FMNL2: variants seen among roughly 807,000 people sequenced by gnomAD.
FMNL2 encodes the protein formin-like protein 2.
Under a neutral mutation model 130.2 loss-of-function variants are expected in FMNL2, and 51 were observed. That is an observed-to-expected ratio of 0.39 (90% CI 0.31 to 0.49). The LOEUF (loss-of-function observed/expected upper bound fraction) is 0.49. Ranked by LOEUF, FMNL2 falls within the 20% of genes least tolerant of loss-of-function variation. The pLI, the probability that FMNL2 is intolerant of heterozygous loss-of-function variation, is 0.85. For missense variants in FMNL2, 977 were observed against 1,316.2 expected (o/e 0.74, Z 3.99); for synonymous variants, 465 against 467.1 (o/e 1.00, Z 0.06).
At chr2:152,630,838 C>T (rs13018870) in intron 20 of FMNL2, among the ~76,000 whole-genome samples, 11,689 of 152,202 alleles carry the variant, frequency 0.077, 558 homozygotes, top group Middle Eastern at 0.15. Context: ...TGGCTTTTTA[C>T]TTTGAAGAGC....
chr2:152,507,598 T>C (rs1692245020), intron 1 of FMNL2, among the ~76,000 whole-genome samples: 1 of 152,234 alleles, frequency 6.6e-6, no homozygotes, highest in Non-Finnish European at 1.5e-5. Context: ...TTAAGTGATT[T>C]GCCTATGAAC....
intron 6 of FMNL2, among the ~76,000 whole-genome samples, chr2:152,568,001 G>T (rs1695949556): frequency 6.6e-6 from 1 of 152,144 alleles, no homozygotes; most frequent in Non-Finnish European, 1.5e-5. Context: ...CTCCAGGAAA[G>T]CCTGGTTAGT....
chr2:152,367,162 G>A (rs1243749988), intron 1 of FMNL2, among the ~76,000 whole-genome samples: 3 of 147,696 alleles, frequency 2.0e-5, no homozygotes, highest in Admixed American at 7.0e-5. Flanking sequence ...TGCAACCTCC[G>A]CCTCCTGGGT....
intron 1 of FMNL2, among the ~76,000 whole-genome samples, chr2:152,419,003 T>C (rs1228080122): frequency 6.6e-6 from 1 of 151,806 alleles, no homozygotes; most frequent in Admixed American, 6.6e-5. Flanking sequence ...ATAATAGTCA[T>C]TCTGATGGGT....
intron 1 of FMNL2, among the ~76,000 whole-genome samples, chr2:152,460,179 G>A (rs1448062693): frequency 3.3e-5 from 5 of 152,142 alleles, no homozygotes; most frequent in Admixed American, 1.3e-4. Context: ...TGTTCATTTG[G>A]TGGTCTGATG....
At chr2:152,637,535 TA>T in intron 22 of FMNL2, 37 bp from the exon 23 acceptor site, 1 of 1,546,954 alleles carries the variant, frequency 6.5e-7, no homozygotes, top group Non-Finnish European at 8.9e-7. Context: ...TTCAAATGCC[TA>T]ACTAATGAAA....
At chr2:152,623,789 T>C (rs1681544486) in intron 15 of FMNL2, among the ~76,000 whole-genome samples, 1 of 152,098 alleles carries the variant, frequency 6.6e-6, no homozygotes. Context: ...TTATGATATA[T>C]AATAGATAAA....
At chr2:152,512,040 C>A (rs1056465570) in intron 1 of FMNL2, among the ~76,000 whole-genome samples, 2 of 152,122 alleles carry the variant, frequency 1.3e-5, no homozygotes, top group Non-Finnish European at 2.9e-5. Flanking sequence ...TGCCAGCAAG[C>A]CTAGTACCTT....
intron 2 of FMNL2, among the ~76,000 whole-genome samples, chr2:152,534,305 A>G (rs1693866926): frequency 6.6e-6 from 1 of 152,186 alleles, no homozygotes; most frequent in East Asian, 1.9e-4. Flanking sequence ...CACTGACAAT[A>G]AAACCGCCTC....
chr2:152,409,985 C>T (rs1012723945), intron 1 of FMNL2, among the ~76,000 whole-genome samples: 16 of 151,874 alleles, frequency 1.1e-4, no homozygotes, highest in Non-Finnish European at 1.8e-4. Context: ...CGAGACAAAA[C>T]GAGTAGGAAA....
chr2:152,548,232 C>T lies in FMNL2; in HGVS notation c.283-789C>T, dbSNP rs574421642. On this transcript the variant is annotated intron_variant, in intron 3 of 25. Transcript: ENST00000288670. ...CTTATTTTTGCAACGTGTTAGGTCA[C>T]GCAGAAAAAAAATTAACATAGCAGG... Among the ~76,000 whole-genome samples, 8 of 152,008 alleles carry T rather than the reference C, an allele frequency of 5.3e-5. No individual in the cohort carries two copies. In the South Asian group the frequency reaches 6.2e-4, roughly 12 times the overall value.
At chr2:152,643,344 CCATGTACTAAT>C in intron 25 of FMNL2, 1 of 1,518,596 alleles carries the variant, frequency 6.6e-7, no homozygotes, top group Non-Finnish European at 8.8e-7. Flanking sequence ...AATGCACTAA[CCATGTACTAAT>C]GCAATAGATC....
Position 152,640,002 on chromosome 2 carries a change from T to A in FMNL2, c.2991T>A (p.Ala997=). Residue 997 remains alanine, a synonymous_variant, in exon 24 of 26, where the codon GCT becomes GCA. Coordinates refer to ENST00000288670, the MANE Select transcript of FMNL2 (RefSeq NM_052905.4). ...AGCTGAGGAAAAAGCAGGAACAAGC[T>A]CTCATGGAAAAACTCCTAGAGCAAG... is the stretch of plus-strand genomic sequence containing the variant. The part of the protein sequence containing the change: ...ENELRKKQEQ[A]LMEKLLEQEA... 1 of 1,558,948 alleles carries A rather than the reference T, an allele frequency of 6.4e-7. No homozygotes were observed. Among genetic ancestry groups the A allele is most frequent in the Non-Finnish European group, 8.7e-7 (1 of 1,151,694 alleles).
chr2:152,443,700 G>A (rs577698997), intron 1 of FMNL2, among the ~76,000 whole-genome samples: 11 of 152,214 alleles, frequency 7.2e-5, no homozygotes, highest in South Asian at 6.2e-4. Flanking sequence ...AAAGTTAGCC[G>A]GGCGTGGTGG....
chr2:152,502,169 A>C (rs377207477), intron 1 of FMNL2, among the ~76,000 whole-genome samples: 6 of 152,130 alleles, frequency 3.9e-5, no homozygotes, highest in African/African-American at 1.4e-4. Flanking sequence ...TGCTTATCTG[A>C]TTCTCTCTTC....
intron 11 of FMNL2, among the ~76,000 whole-genome samples, chr2:152,613,988 C>T (rs1698817131): frequency 6.6e-6 from 1 of 152,146 alleles, no homozygotes; most frequent in African/African-American, 2.4e-5. Flanking sequence ...GCTGTTCATG[C>T]TGTATACTGA....
intron 1 of FMNL2, among the ~76,000 whole-genome samples, chr2:152,461,954 T>C (rs1689272799): frequency 6.6e-6 from 1 of 152,040 alleles, no homozygotes; most frequent in Non-Finnish European, 1.5e-5. Context: ...TGGAGTGTGA[T>C]GTGCAATCAC....
chr2:152,346,254 A>G (rs1579440835), intron 1 of FMNL2, among the ~76,000 whole-genome samples: 2 of 152,024 alleles, frequency 1.3e-5, no homozygotes. Context: ...TGAACTCCCA[A>G]CCTCAGGTGA....
chr2:152,624,086 TTCG>T (rs1681592251), intron 15 of FMNL2, among the ~76,000 whole-genome samples: 2 of 3,924 alleles, frequency 5.1e-4, no homozygotes, highest in African/African-American at 1.0e-3. Context: ...CTCAATTCCC[TTCG>T]CCTCCCCTCC....
Sources: gnomAD v4.1 joint callset for allele counts (sites outside exome capture counted in the v4.1 genomes callset) on GRCh38, gnomAD v4.1.1 for gene constraint, MANE v1.5 for transcripts, NCBI Gene and HGNC (gene_info 2026-07-23, HGNC 2026-07-21) for gene names.